The following RANBP9 variants were observed in gnomAD, a reference collection of about 807,000 sequenced individuals.
The protein encoded by RANBP9 is RAN binding protein 9, also known as ran-binding protein 9.
Under a neutral mutation model 84.3 loss-of-function variants are expected in RANBP9, and 15 were observed. The observed-to-expected ratio is 0.18, with a 90% CI of 0.12 to 0.27. The LOEUF (loss-of-function observed/expected upper bound fraction) is 0.27. Among genes scored for constraint, RANBP9 ranks in the 10% least tolerant of loss-of-function variants. The pLI is 1.00. For missense variants in RANBP9, 809 were observed against 912.8 expected, an observed-to-expected ratio of 0.89 and a Z score of 1.46; for synonymous variants, 392 against 349.6, an observed-to-expected ratio of 1.12 and a Z score of -1.35.
chr6:13,638,097 G>T, intron 9 of RANBP9, 142 bp from the exon 10 acceptor site: 2 of 650,226 alleles, frequency 3.1e-6, no homozygotes, highest in Non-Finnish European at 4.8e-6. Context: ...TAACTTCTTT[G>T]AAAGGATACT....
intron 2 of RANBP9, among the ~76,000 whole-genome samples, chr6:13,665,324 A>G (rs188784800): frequency 1.3e-5 from 2 of 152,302 alleles, no homozygotes; most frequent in East Asian, 1.9e-4. Flanking sequence ...AAAATGAACA[A>G]AAGGTCTGAA....
chr6:13,636,063 TC>T (rs1036227901), intron 10 of RANBP9, among the ~76,000 whole-genome samples: 3 of 152,108 alleles, frequency 2.0e-5, no homozygotes, highest in African/African-American at 7.2e-5. Flanking sequence ...AAGGAAAACA[TC>T]CTGGAAGAAC....
At chr6:13,662,035 A>C (rs1213601422) in intron 2 of RANBP9, among the ~76,000 whole-genome samples, 1 of 152,230 alleles carries the variant, frequency 6.6e-6, no homozygotes, top group Non-Finnish European at 1.5e-5. Flanking sequence ...CTAATGGTTT[A>C]CTATACACAG....
At chr6:13,645,687 G>C (rs1398375998) in intron 5 of RANBP9, among the ~76,000 whole-genome samples, 1 of 152,130 alleles carries the variant, frequency 6.6e-6, no homozygotes, top group African/African-American at 2.4e-5. Context: ...AAGTTTGTCT[G>C]ATACCACATC....
At chr6:13,657,551 CAGG>C (rs1482089488) in intron 3 of RANBP9, among the ~76,000 whole-genome samples, 3 of 152,124 alleles carry the variant, frequency 2.0e-5, no homozygotes, top group Non-Finnish European at 4.4e-5. Flanking sequence ...GCAACAACCA[CAGG>C]AGGACACATT....
At chr6:13,624,921 A>T (rs991587153) in intron 13 of RANBP9, among the ~76,000 whole-genome samples, 1 of 152,170 alleles carries the variant, frequency 6.6e-6, no homozygotes, top group Non-Finnish European at 1.5e-5. Context: ...ATTCATAAGC[A>T]TGGTGGGAGC....
chr6:13,625,838 G>T, intron 12 of RANBP9, 74 bp from the exon 13 acceptor site: 2 of 1,113,724 alleles, frequency 1.8e-6, no homozygotes, highest in Non-Finnish European at 1.4e-6. Flanking sequence ...TCCAAGTTGA[G>T]AGGTAAAATA....
chr6:13,652,570 T>C (rs1294167532), intron 5 of RANBP9, 89 bp downstream of exon 5: 1 of 1,223,754 alleles, frequency 8.2e-7, no homozygotes, highest in Non-Finnish European at 1.2e-6. Flanking sequence ...AATAAGACTG[T>C]ATTTTAAACT....
intron 2 of RANBP9, among the ~76,000 whole-genome samples, chr6:13,662,284 G>C (rs1466816020): frequency 2.0e-5 from 3 of 152,088 alleles, no homozygotes; most frequent in Non-Finnish European, 4.4e-5. Flanking sequence ...TCAAAAGAAA[G>C]CACAAACAGG....
intron 2 of RANBP9, among the ~76,000 whole-genome samples, chr6:13,691,227 G>C (rs1766316640): frequency 6.7e-6 from 1 of 150,362 alleles, no homozygotes; most frequent in African/African-American, 2.4e-5. Flanking sequence ...AAATGCATTA[G>C]ATTTTATTTT....
intron 2 of RANBP9, among the ~76,000 whole-genome samples, chr6:13,659,821 G>A (rs1180107181): frequency 6.6e-6 from 1 of 152,110 alleles, no homozygotes. Context: ...ACACACTGAA[G>A]GCATTTCCAC....
At chr6:13,646,567 TA>T (rs1323561275) in intron 5 of RANBP9, among the ~76,000 whole-genome samples, 1 of 152,220 alleles carries the variant, frequency 6.6e-6, no homozygotes, top group Admixed American at 6.5e-5. Flanking sequence ...CAGTATTGTC[TA>T]AATAAAGACA....
At chr6:13,665,094 A>T (rs1317101223) in intron 2 of RANBP9, among the ~76,000 whole-genome samples, 1 of 152,168 alleles carries the variant, frequency 6.6e-6, no homozygotes, top group Non-Finnish European at 1.5e-5. Flanking sequence ...TATCTCACAC[A>T]ATACACAAAA....
At chr6:13,628,503 G>A (rs1028962212) in intron 12 of RANBP9, among the ~76,000 whole-genome samples, 5 of 152,098 alleles carry the variant, frequency 3.3e-5, no homozygotes, top group South Asian at 2.1e-4. Context: ...AAGGAAATAA[G>A]GTTTTAAATG....
Position 13,629,923 on chromosome 6 carries a change from T to C in RANBP9, c.1947+2447A>G, listed in dbSNP as rs200851673. On this transcript the variant is annotated intron_variant, in intron 12 of 13. Transcript: ENST00000011619. ...TCTCTCTCTCTCTCTCTCTCTCTCG[T>C]GTGTGTGTGTGTGTGTGTGTATTTG... 7.5e-3 allele frequency among the ~76,000 whole-genome samples: 825 copies of C among 109,738 alleles called. 6 individuals are homozygous for C. Among genetic ancestry groups the C allele is most frequent in the African/African-American group, 0.022 (711 of 32,920 alleles). 72.0% of individuals were successfully genotyped at this position (109,738 alleles called of 152,430 possible). A position where few individuals can be genotyped will look rare whatever the true frequency, so the allele number is the denominator to read the frequency against.
Position 13,675,848 on chromosome 6 carries a change from ATAAC to A in RANBP9, c.684-17020_684-17017del, listed in dbSNP as rs146166821. Among the ~76,000 whole-genome samples, 809 of 152,062 alleles carry A rather than the reference ATAAC, an allele frequency of 5.3e-3. 2 individuals are homozygous for A. Among genetic ancestry groups the A allele is most frequent in the Admixed American group, 8.8e-3 (135 of 15,274 alleles). On this transcript the variant is annotated intron_variant, in intron 2 of 13. Coordinates refer to ENST00000011619, the MANE Select transcript of RANBP9 (RefSeq NM_005493.3). ...TTAAAAAAGTATTAAAGAAACATTT[ATAAC>A]TAACTTTATGCCCACAAATTTGATT...
At chr6:13,693,861 T>C (rs565407338) in intron 2 of RANBP9, among the ~76,000 whole-genome samples, 100 of 151,690 alleles carry the variant, frequency 6.6e-4, no homozygotes, top group African/African-American at 2.3e-3. Flanking sequence ...TGGCCAACAT[T>C]GTGAAACCCT....
intron 1 of RANBP9, among the ~76,000 whole-genome samples, chr6:13,697,966 CTAAA>C (rs563793178): frequency 4.5e-4 from 69 of 152,266 alleles, no homozygotes; most frequent in African/African-American, 1.6e-3. Flanking sequence ...TGTTTTAAAA[CTAAA>C]TACCTTCTTG....
intron 2 of RANBP9, among the ~76,000 whole-genome samples, chr6:13,688,986 A>AG (rs1766261953): frequency 1.4e-5 from 2 of 140,208 alleles, no homozygotes; most frequent in African/African-American, 2.9e-5. Flanking sequence ...TCTCCACAAA[A>AG]AAAAAAAAAA....
Sources: gnomAD v4.1 joint callset for allele counts (sites outside exome capture counted in the v4.1 genomes callset) on GRCh38, gnomAD v4.1.1 for gene constraint, MANE v1.5 for transcripts, NCBI Gene and HGNC (gene_info 2026-07-23, HGNC 2026-07-21) for gene names.